Variants in NSMCE2 observed in about 807,000 individuals in gnomAD.
NSMCE2 encodes the protein E3 SUMO-protein ligase NSE2.
Under a neutral mutation model 23.8 loss-of-function variants are expected in NSMCE2, and 24 were observed. The observed-to-expected ratio is 1.01, with a 90% CI of 0.73 to 1.42. The LOEUF (loss-of-function observed/expected upper bound fraction) is 1.42. NSMCE2 is among the 40% of genes most tolerant of loss of function. The pLI is 0.00. For missense variants in NSMCE2, 284 were observed against 296.5 expected, an observed-to-expected ratio of 0.96 and a Z score of 0.31; for synonymous variants, 92 against 94.1, an observed-to-expected ratio of 0.98 and a Z score of 0.13.
chr8:125,313,561 G>C (rs1349019151), intron 5 of NSMCE2, among the ~76,000 whole-genome samples: 1 of 152,188 alleles, frequency 6.6e-6, no homozygotes, highest in Non-Finnish European at 1.5e-5. Flanking sequence ...AGGACCTCAC[G>C]ACTTGCCAGC....
chr8:125,361,549 A>G (rs962914066), intron 7 of NSMCE2, among the ~76,000 whole-genome samples: 5 of 152,200 alleles, frequency 3.3e-5, no homozygotes, highest in Admixed American at 6.5e-5. Flanking sequence ...TTTCTGCCTC[A>G]GTTTCCTCAT....
chr8:125,282,168 C>CA (rs1455880153), intron 5 of NSMCE2, among the ~76,000 whole-genome samples: 5 of 151,538 alleles, frequency 3.3e-5, no homozygotes, highest in African/African-American at 4.9e-5. Context: ...GGCTGGAGTG[C>CA]AGTGGCATGA....
chr8:125,224,239 A>G (rs1824997064), intron 5 of NSMCE2, among the ~76,000 whole-genome samples: 1 of 152,176 alleles, frequency 6.6e-6, no homozygotes, highest in South Asian at 2.1e-4. Flanking sequence ...ATGCTTCGCA[A>G]ATTTCCTCCC....
At position 125,117,855 on chromosome 8, in the gene NSMCE2, T is replaced by G. The variant is rs540690889; in HGVS notation, c.157+15368T>G. Among the ~76,000 whole-genome samples the G allele has an allele frequency of 1.7e-4, 26 of 152,300 alleles. No individual in the cohort carries two copies. The South Asian group carries it at 2.3e-3, about 13-fold the overall frequency. On this transcript the variant is annotated intron_variant, in intron 3 of 7. Coordinates refer to ENST00000287437, the MANE Select transcript of NSMCE2 (RefSeq NM_173685.4). Reference sequence around the variant, plus strand: ...GGTGTTGAATCCATATATAAATGCGTTAGTAACTGGCTTTCAAGATTGTGT... The same window carrying G: ...GGTGTTGAATCCATATATAAATGCGGTAGTAACTGGCTTTCAAGATTGTGT...
chr8:125,251,322 GA>G (rs897514275), intron 5 of NSMCE2, among the ~76,000 whole-genome samples: 4 of 151,612 alleles, frequency 2.6e-5, no homozygotes, highest in Non-Finnish European at 4.4e-5. Context: ...AAATGAACTG[GA>G]AAAAAAAGTA....
intron 1 of NSMCE2, among the ~76,000 whole-genome samples, chr8:125,097,982 G>C (rs1026214040): frequency 3.3e-5 from 5 of 152,092 alleles, no homozygotes; most frequent in African/African-American, 4.8e-5. Flanking sequence ...TGTCTTATTA[G>C]CAAGCTCAAA....
chr8:125,119,923 T>C (rs1291937731), intron 3 of NSMCE2, among the ~76,000 whole-genome samples: 1 of 152,114 alleles, frequency 6.6e-6, no homozygotes, highest in African/African-American at 2.4e-5. Context: ...ATTATTTATA[T>C]ATGTAAAGCA....
intron 5 of NSMCE2, among the ~76,000 whole-genome samples, chr8:125,204,604 T>C (rs1423881026): frequency 6.6e-6 from 1 of 152,208 alleles, no homozygotes; most frequent in African/African-American, 2.4e-5. Context: ...GAAAATATAG[T>C]AGTAGCTTGT....
intron 4 of NSMCE2, among the ~76,000 whole-genome samples, chr8:125,154,195 A>T (rs1821189032): frequency 6.6e-6 from 1 of 152,192 alleles, no homozygotes; most frequent in Non-Finnish European, 1.5e-5. Context: ...ATTTTCACAT[A>T]GTCATAGAAA....
At chr8:125,204,235 G>A (rs1484606701) in intron 5 of NSMCE2, among the ~76,000 whole-genome samples, 1 of 152,096 alleles carries the variant, frequency 6.6e-6, no homozygotes, top group Non-Finnish European at 1.5e-5. Context: ...CCCTTTTTGC[G>A]AAGGTTACCT....
At chr8:125,123,396 G>T (rs1413189080) in intron 3 of NSMCE2, among the ~76,000 whole-genome samples, 1 of 152,154 alleles carries the variant, frequency 6.6e-6, no homozygotes, top group African/African-American at 2.4e-5. Flanking sequence ...TAAAGATATG[G>T]AGATATCACT....
At chr8:125,351,368 A>C (rs145042151) in intron 5 of NSMCE2, 2 of 151,866 alleles carry the variant, frequency 1.3e-5, no homozygotes, top group African/African-American at 4.8e-5. Flanking sequence ...AAAAAAAAAC[A>C]TATTCGAGTT....
chr8:125,272,317 C>G (rs1414155338), intron 5 of NSMCE2, among the ~76,000 whole-genome samples: 1 of 151,596 alleles, frequency 6.6e-6, no homozygotes, highest in African/African-American at 2.4e-5. Flanking sequence ...CCCGGCAAAT[C>G]TGCAGTTTCT....
chr8:125,265,476 C>T (rs182879530), intron 5 of NSMCE2, among the ~76,000 whole-genome samples: 155 of 152,300 alleles, frequency 1.0e-3, no homozygotes, highest in African/African-American at 3.4e-3. Context: ...CCATGTCGGC[C>T]TCCAAAAGTG....
At chr8:125,341,736 C>T (rs1320066564) in intron 5 of NSMCE2, among the ~76,000 whole-genome samples, 1 of 151,976 alleles carries the variant, frequency 6.6e-6, no homozygotes, top group African/African-American at 2.4e-5. Context: ...CTCCCGAAGT[C>T]CATTCTTGTA....
intron 5 of NSMCE2, among the ~76,000 whole-genome samples, chr8:125,297,572 T>A (rs1828379075): frequency 6.6e-6 from 1 of 151,926 alleles, no homozygotes; most frequent in Admixed American, 6.6e-5. Flanking sequence ...ACACTTAGGC[T>A]GTAATCCCAG....
Position 125,351,725 on chromosome 8 carries a change from G to A in NSMCE2, c.419-5494G>A, listed in dbSNP as rs1238158773. On this transcript the variant is annotated intron_variant, in intron 5 of 7. Coordinates refer to ENST00000287437, the MANE Select transcript of NSMCE2 (RefSeq NM_173685.4). Reference sequence around the variant, plus strand: ...TACATTTGCCTTAAAAATATTGTGGGGTTGGCCGGGCATGGTGGCTCACAC... The same window carrying A: ...TACATTTGCCTTAAAAATATTGTGGAGTTGGCCGGGCATGGTGGCTCACAC... 2.0e-5 allele frequency among the ~76,000 whole-genome samples: 3 copies of A among 151,850 alleles called. No individual in the cohort carries two copies. In the East Asian group the frequency reaches 5.8e-4, roughly 29 times the overall value.
chr8:125,189,623 T>C (rs536942044), intron 5 of NSMCE2, among the ~76,000 whole-genome samples: 1 of 152,304 alleles, frequency 6.6e-6, no homozygotes, highest in African/African-American at 2.4e-5. Flanking sequence ...GTTAAGGCAG[T>C]CTGATGATAA....
chr8:125,103,042 C>A (rs893518249), intron 3 of NSMCE2, among the ~76,000 whole-genome samples: 11 of 152,144 alleles, frequency 7.2e-5, no homozygotes, highest in African/African-American at 2.7e-4. Context: ...CCGAGGCCGG[C>A]AGATCACGAG....
Sources: gnomAD v4.1 joint callset for allele counts (sites outside exome capture counted in the v4.1 genomes callset) on GRCh38, gnomAD v4.1.1 for gene constraint, MANE v1.5 for transcripts, NCBI Gene and HGNC (gene_info 2026-07-23, HGNC 2026-07-21) for gene names.